The following ARHGAP39 variants were observed in gnomAD, a reference collection of about 807,000 sequenced individuals.
ARHGAP39 encodes Rho GTPase activating protein 39.
A neutral mutation model predicts 106.9 loss-of-function variants in ARHGAP39; 44 were observed. That is an observed-to-expected ratio of 0.41 (90% confidence interval 0.32 to 0.53). The LOEUF is 0.53. ARHGAP39 is among the 20% of genes least tolerant of loss of function. The probability of loss-of-function intolerance (pLI) is 0.21; values close to 1 mark genes in which losing one functional copy is unlikely to be tolerated. For missense variants in ARHGAP39, 1,496 were observed against 1,577.3 expected, an observed-to-expected ratio of 0.95 and a Z score of 0.87; for synonymous variants, 768 against 693.2, an observed-to-expected ratio of 1.11 and a Z score of -1.69.
intron 1 of ARHGAP39, among the ~76,000 whole-genome samples, chr8:144,607,543 C>G (rs1820338970): frequency 1.3e-5 from 2 of 152,198 alleles, no homozygotes; most frequent in South Asian, 4.1e-4. Context: ...TCCCGGATGC[C>G]CCAGCTGGTA....
chr8:144,579,459 C>G (rs549956146), intron 3 of ARHGAP39, among the ~76,000 whole-genome samples: 4 of 152,106 alleles, frequency 2.6e-5, no homozygotes, highest in African/African-American at 9.7e-5. Flanking sequence ...ACGCCACGCC[C>G]GAGCCTCCGC....
chr8:144,548,551 C>A lies in ARHGAP39; in HGVS notation c.597-62G>T. The A allele has an allele frequency of 5.8e-6, 9 of 1,553,674 alleles. No homozygotes were observed. Among genetic ancestry groups the A allele is most frequent in the Non-Finnish European group, 6.9e-6 (8 of 1,153,546 alleles). On this transcript the variant is annotated intron_variant, in intron 4 of 11. Transcript: ENST00000377307. This position sits in a 1 kb window ranked among gnomAD's most constrained non-coding sequence, Gnocchi z 7.4. Reference sequence around the variant, plus strand: ...CCTGCTGCTTCTGGGCACGCCCCACCCCCTCGGGGGCTGTAGGCAGCGGCT... The same window carrying A: ...CCTGCTGCTTCTGGGCACGCCCCACACCCTCGGGGGCTGTAGGCAGCGGCT...
intron 6 of ARHGAP39, among the ~76,000 whole-genome samples, chr8:144,538,444 G>A (rs1411967727): frequency 6.6e-6 from 1 of 151,770 alleles, no homozygotes; most frequent in Non-Finnish European, 1.5e-5. Context: ...CACACCTGAG[G>A]GGTGGAGTTA....
chr8:144,555,696 T>A, intron 3 of ARHGAP39, 53 bp from the exon 4 acceptor site: 3 of 1,495,092 alleles, frequency 2.0e-6, no homozygotes, highest in South Asian at 1.1e-5. Flanking sequence ...TCGTTTACCA[T>A]AACCAGCCAC....
At chr8:144,590,220 G>A (rs1412448462) in intron 2 of ARHGAP39, among the ~76,000 whole-genome samples, 1 of 152,196 alleles carries the variant, frequency 6.6e-6, no homozygotes. Flanking sequence ...CACTGTGCTC[G>A]GGGCAGGGCC....
At chr8:144,594,331 C>T (rs959604668) in intron 2 of ARHGAP39, among the ~76,000 whole-genome samples, 26 of 152,168 alleles carry the variant, frequency 1.7e-4, no homozygotes, top group Admixed American at 1.6e-3. Context: ...AACCTTTATA[C>T]ACTGCTGGTG....
At chr8:144,537,692 C>T (rs368338962) in intron 7 of ARHGAP39, 29 bp downstream of exon 7, 26 of 1,604,062 alleles carry the variant, frequency 1.6e-5, no homozygotes, top group African/African-American at 2.7e-5. Flanking sequence ...GCAGACGCCG[C>T]GCCCAGGGGC....
intron 3 of ARHGAP39, 117 bp downstream of exon 3, chr8:144,580,729 A>ATAGCAG: frequency 1.1e-6 from 1 of 913,796 alleles, no homozygotes; most frequent in Non-Finnish European, 1.3e-6. Context: ...GGCCCCGCCC[A>ATAGCAG]CCACCTTCAC....
chr8:144,557,274 A>G (rs901993758), intron 3 of ARHGAP39, among the ~76,000 whole-genome samples: 1 of 147,010 alleles, frequency 6.8e-6, no homozygotes, highest in Non-Finnish European at 1.5e-5. Flanking sequence ...TCAGTGGCAA[A>G]GGCTGAACCT....
chr8:144,601,628 G>A (rs141057288), intron 2 of ARHGAP39, among the ~76,000 whole-genome samples: 13 of 141,426 alleles, frequency 9.2e-5, no homozygotes, highest in East Asian at 2.2e-4. Context: ...GCATGGAGGC[G>A]TGCATGTGTG....
intron 1 of ARHGAP39, among the ~76,000 whole-genome samples, chr8:144,618,753 G>A (rs1820705894): frequency 6.6e-6 from 1 of 152,236 alleles, no homozygotes; most frequent in Non-Finnish European, 1.5e-5. Context: ...CATGGGAGGC[G>A]CAGTGCTGGG....
In ARHGAP39 at chr8:144,657,988, T is replaced by C. The variant is rs79315707; in HGVS notation, c.-82+27698A>G. On this transcript the variant is annotated intron_variant, in intron 1 of 11. Transcript: ENST00000377307. ...ATAAAAGATAATACAAATTTTTTAA[T>C]ATGGCATAACAGCTATTTACATAGC... Among the ~76,000 whole-genome samples the C allele has an allele frequency of 0.023, 3,429 of 152,312 alleles. 223 individuals are homozygous for C. In the East Asian group the frequency reaches 0.25, roughly 11 times the overall value.
chr8:144,532,492 G>A lies in ARHGAP39; in HGVS notation c.2889-96C>T, dbSNP rs571074241. 8.8e-5 allele frequency: 101 copies of A among 1,149,192 alleles called. No homozygotes were observed. The African/African-American group carries it at 8.9e-4, about 10-fold the overall frequency. The allele number at this position is 1,149,192 out of a possible 1,614,324, so 71.2% of individuals were successfully genotyped here. ...CCCTCCGGTAGGCCCCTGCTGACCC[G>A]GGGAGGGGAGCAAAACCTCAGGACC... On this transcript the variant is annotated intron_variant, in intron 9 of 11. Coordinates refer to ENST00000377307, the MANE Select transcript of ARHGAP39 (RefSeq NM_025251.3).
chr8:144,606,720 C>CTAAG (rs1475781242), intron 1 of ARHGAP39, among the ~76,000 whole-genome samples: 1 of 151,998 alleles, frequency 6.6e-6, no homozygotes, highest in African/African-American at 2.4e-5. Context: ...CCCCTAAACC[C>CTAAG]TAAGTTGTTC....
At position 144,547,741 on chromosome 8, in the gene ARHGAP39, T is replaced by C. The variant is rs761070888; in HGVS notation, c.1345A>G (p.Ser449Gly). 6.3e-6 allele frequency: 10 copies of C among 1,598,236 alleles called. No individual in the cohort carries two copies. In the South Asian group the frequency reaches 7.8e-5, roughly 12 times the overall value. ...QRLGVKSGDY[S>G]TMEGPELRHS... is the part of the protein sequence containing the mutation. ...CGCAGCTCAGGTCCCTCCATGGTGC[T>C]GTAGTCTCCGGACTTGACGCCCAGG... The change falls in exon 5 of 12, where the codon AGC (serine) becomes GGC (glycine). Residue 449 changes from serine (S) to glycine (G), a missense_variant. Ser to Gly is a moderately conservative substitution (Grantham distance 56, BLOSUM62 0). Coordinates refer to ENST00000377307, the MANE Select transcript of ARHGAP39 (RefSeq NM_025251.3). The surrounding 1 kb of genome is among the most constrained non-coding windows in gnomAD (Gnocchi z 5.2).
Position 144,547,077 on chromosome 8 carries a change from C to T in ARHGAP39, c.1959+50G>A. On this transcript the variant is annotated intron_variant, in intron 5 of 11. Coordinates refer to ENST00000377307, the MANE Select transcript of ARHGAP39 (RefSeq NM_025251.3). The surrounding 1 kb of genome is among the most constrained non-coding windows in gnomAD (Gnocchi z 5.2). ...GCCTGGCCCACGGGGTCCACTCTGA[C>T]TGGGCTGGCCCCAGGCTCTCAAGCT... The T allele has an allele frequency of 6.7e-7, 1 of 1,500,526 alleles. No individual in the cohort carries two copies. Among genetic ancestry groups the T allele is most frequent in the Non-Finnish European group, 8.9e-7 (1 of 1,125,306 alleles). 93.0% of individuals were successfully genotyped at this position (1,500,526 alleles called of 1,614,324 possible).
At chr8:144,668,787 A>G (rs1022883543) in intron 1 of ARHGAP39, among the ~76,000 whole-genome samples, 1 of 152,222 alleles carries the variant, frequency 6.6e-6, no homozygotes, top group Admixed American at 6.5e-5. Flanking sequence ...TTGCTGAAAA[A>G]AAACAATGAG....
At chr8:144,680,584 G>A (rs1009899109) in intron 1 of ARHGAP39, among the ~76,000 whole-genome samples, 6 of 151,910 alleles carry the variant, frequency 3.9e-5, no homozygotes, top group Admixed American at 6.6e-5. Flanking sequence ...TACAATGTAC[G>A]TACAACTGAG....
chr8:144,544,449 C>T (rs1005569578), intron 6 of ARHGAP39, among the ~76,000 whole-genome samples: 17 of 152,276 alleles, frequency 1.1e-4, no homozygotes, highest in African/African-American at 4.1e-4. Flanking sequence ...CAGTCTATGG[C>T]ATGTCTGACC....
Sources: allele counts gnomAD v4.1 joint callset (sites outside exome capture counted in the v4.1 genomes callset), GRCh38; gene constraint gnomAD v4.1.1; non-coding constraint Gnocchi (gnomAD v3.1); transcripts MANE v1.5; gene names NCBI Gene and HGNC (gene_info 2026-07-23, HGNC 2026-07-21).